SLCO4A1: variants seen among roughly 807,000 people sequenced by gnomAD.
SLCO4A1 encodes the protein colon organic anion transporter.
A neutral mutation model predicts 64.6 loss-of-function variants in SLCO4A1; 51 were observed. The ratio of observed to expected loss-of-function variants is 0.79; its 90% CI spans 0.63 to 1.00. SLCO4A1 has a LOEUF of 1.00. Ranked by LOEUF, SLCO4A1 falls within the 50% of genes least tolerant of loss-of-function variation. The probability of loss-of-function intolerance (pLI) is 0.00; values close to 1 mark genes in which losing one functional copy is unlikely to be tolerated. For missense variants in SLCO4A1, 919 were observed against 980.5 expected, an observed-to-expected ratio of 0.94 and a Z score of 0.84; for synonymous variants, 471 against 444.9, an observed-to-expected ratio of 1.06 and a Z score of -0.74.
downstream of SLCO4A1, among the ~76,000 whole-genome samples, chr20:62,675,289 G>A (rs1272409546): frequency 1.3e-5 from 2 of 152,152 alleles, no homozygotes; most frequent in African/African-American, 4.8e-5. Context: ...GGTGCGTGAT[G>A]GATGAGGCCA....
At chr20:62,664,274 T>C (rs1357269841) in intron 5 of SLCO4A1, among the ~76,000 whole-genome samples, 1 of 152,158 alleles carries the variant, frequency 6.6e-6, no homozygotes. Flanking sequence ...CCAGGGCCAC[T>C]GGCCCCCAAG....
chr20:62,660,249 G>A (rs1039140782), intron 3 of SLCO4A1, among the ~76,000 whole-genome samples, 163 bp from the exon 4 acceptor site: 1 of 152,228 alleles, frequency 6.6e-6, no homozygotes, highest in South Asian at 2.1e-4. Context: ...CTGCAAGGAA[G>A]GGACAGGACC....
chr20:62,658,905 C>T, intron 3 of SLCO4A1, 138 bp downstream of exon 3: 1 of 722,452 alleles, frequency 1.4e-6, no homozygotes, highest in Non-Finnish European at 2.3e-6. Flanking sequence ...TGGAGGGAGT[C>T]AAGGCTGGCC....
At chr20:62,683,912 G>T (rs1042758319) in intron 2 of SLCO4A1, among the ~76,000 whole-genome samples, 4 of 140,430 alleles carry the variant, frequency 2.8e-5, no homozygotes, top group Admixed American at 1.4e-4. Context: ...ACACGCTCAC[G>T]CAACGATCTC....
chr20:62,644,435 T>A lies in SLCO4A1; in HGVS notation c.-97+1882T>A, dbSNP rs565115124. ...GCAGGTGCTGGGCAAGTCCCTCCCA[T>A]GGTGGAGAGCTGGCTGGGCACGTGG... is the stretch of plus-strand genomic sequence containing the variant. On this transcript the variant is annotated intron_variant, in intron 1 of 11. Coordinates refer to ENST00000217159, the MANE Select transcript of SLCO4A1 (RefSeq NM_016354.4). This position sits in a 1 kb window ranked among gnomAD's most constrained non-coding sequence, Gnocchi z 5.4. Among the ~76,000 whole-genome samples, 25 of 152,316 alleles carry A rather than the reference T, an allele frequency of 1.6e-4. No homozygotes were observed. The highest frequency in any genetic ancestry group is 6.8e-3 in the Middle Eastern group (2 of 294).
chr20:62,675,816 T>C (rs1034809955), downstream of SLCO4A1, among the ~76,000 whole-genome samples: 4 of 152,160 alleles, frequency 2.6e-5, no homozygotes, highest in Non-Finnish European at 4.4e-5. Flanking sequence ...AGCCAGCCCC[T>C]GTCCTCCCAC....
rs200844019 is a variant in SLCO4A1 at position 62,668,183 on chromosome 20, C to T, written c.1810C>T (p.Arg604Ter). 3.1e-6 allele frequency: 5 copies of T among 1,613,744 alleles called. No individual in the cohort carries two copies. The highest frequency in any genetic ancestry group is 4.5e-5 in the East Asian group (2 of 44,888). ...CATTCCTGCACTAACGGCAACTCTA[C>T]GGTAAGCTGGGGTCGGGTGTGCGCT... The part of the protein sequence containing the change: ...SSIPALTATL[R>*]CVRDPQRSFA... The change falls in exon 9 of 12, where the codon CGA becomes TGA. Residue 604 changes from arginine (R) to a stop codon, truncating the protein, a stop_gained and splice_region_variant. Transcript: ENST00000217159. LOFTEE classifies it high-confidence loss of function.
At chr20:62,662,957 C>T (rs1455633265) in intron 5 of SLCO4A1, 1 of 152,242 alleles carries the variant, frequency 6.6e-6, no homozygotes, top group African/African-American at 2.4e-5. Flanking sequence ...CATCGTCTTG[C>T]CTTTTTCAAG....
At chr20:62,663,371 C>T (rs538885953) in intron 5 of SLCO4A1, 18 of 152,268 alleles carry the variant, frequency 1.2e-4, no homozygotes, top group African/African-American at 4.1e-4. Flanking sequence ...AGGAAAGAGC[C>T]GCCCTCCTGC....
At chr20:62,666,145 T>TCCCCTTCCCCTTCCCCTG (rs1986283633) in intron 6 of SLCO4A1, 2 of 97,002 alleles carry the variant, frequency 2.1e-5, no homozygotes, top group South Asian at 3.8e-4. Flanking sequence ...CCCTTCCCCT[T>TCCCCTTCCCCTTCCCCTG]CCCCTTCCCC....
Position 62,657,336 on chromosome 20 carries a change from C to T in SLCO4A1, c.796+86C>T, listed in dbSNP as rs1024541896. ...GAGGGTAACTGGCCGGAGCCAGCCC[C>T]GCCCCCTGCCTTCGTGTACCCCTTG... On this transcript the variant is annotated intron_variant, in intron 2 of 11. Coordinates refer to ENST00000217159, the MANE Select transcript of SLCO4A1 (RefSeq NM_016354.4). The T allele has an allele frequency of 2.8e-5, 35 of 1,253,326 alleles. No individual in the cohort carries two copies. The African/African-American group carries it at 2.9e-4, about 10-fold the overall frequency. 77.6% of individuals were successfully genotyped at this position (1,253,326 alleles called of 1,614,324 possible).
chr20:62,682,009 C>T (rs1050468201), intron 2 of SLCO4A1, among the ~76,000 whole-genome samples: 1 of 152,166 alleles, frequency 6.6e-6, no homozygotes, highest in Non-Finnish European at 1.5e-5. Flanking sequence ...AGAGCCATCC[C>T]CTGAGCTAGG....
rs1985876717 is a variant in SLCO4A1, at chr20:62,665,188, G to T, written c.1276+100G>T. 2.2e-6 allele frequency: 3 copies of T among 1,334,164 alleles called. No individual in the cohort carries two copies. In the Admixed American group the frequency reaches 6.8e-5, roughly 30 times the overall value. The allele number at this position is 1,334,164 out of a possible 1,614,324, so 82.6% of individuals were successfully genotyped here. A position where few individuals can be genotyped will look rare whatever the true frequency, so the allele number is the denominator to read the frequency against. ...TAGAAAGACCCAGACAGGGCACATG[G>T]CAGTGAGTGCCCTCCCACCCCCGCT... On this transcript the variant is annotated intron_variant, in intron 6 of 11. Transcript: ENST00000217159.
In SLCO4A1 at chr20:62,658,648, C is replaced by T. The variant is rs369349485; in HGVS notation, c.797-29C>T. 189 of 1,575,502 alleles carry T rather than the reference C, an allele frequency of 1.2e-4. 1 individual carries two copies. The African/African-American group carries it at 1.8e-3, about 15-fold the overall frequency. The stretch of plus-strand genomic sequence containing the variant: ...TCCGCAGCCCCTGGGTGGTGCACAG[C>T]GGCCCTGACGCCTCTGCCTCTCTCG... On this transcript the variant is annotated intron_variant, in intron 2 of 11. Transcript: ENST00000217159.
intron 1 of SLCO4A1, among the ~76,000 whole-genome samples, chr20:62,655,808 G>C (rs1397816604): frequency 2.0e-5 from 3 of 152,214 alleles, no homozygotes; most frequent in Non-Finnish European, 4.4e-5. Context: ...ACGGAGAGGA[G>C]CTCCTTCCTC....
Position 62,656,849 on chromosome 20 carries a change from A to T in SLCO4A1, c.395A>T (p.Glu132Val), listed in dbSNP as rs1341703277. 3 of 1,607,478 alleles carry T rather than the reference A, an allele frequency of 1.9e-6. No individual in the cohort carries two copies. The highest frequency in any genetic ancestry group is 2.6e-6 in the Non-Finnish European group (3 of 1,176,208). Residue 132 changes from glutamate (E) to valine (V), a missense_variant, in exon 2 of 12, where the codon GAG (glutamate) becomes GTG (valine). Glu to Val is a moderately radical substitution (Grantham distance 121). Transcript: ENST00000217159. ...GFINTVITSL[E>V]RRYDLHSYQS... Reference sequence around the variant, plus strand: ...ATCAACACAGTCATCACCTCCCTGGAGCGCCGCTATGACCTGCACAGCTAC... The same window carrying T: ...ATCAACACAGTCATCACCTCCCTGGTGCGCCGCTATGACCTGCACAGCTAC...
Position 62,668,189 on chromosome 20 carries a change from G to A in SLCO4A1, c.1811+5G>A, listed in dbSNP as rs762742721. On this transcript the variant is annotated splice_donor_5th_base_variant and intron_variant, in intron 9 of 11. Transcript: ENST00000217159. ...TGCACTAACGGCAACTCTACGGTAA[G>A]CTGGGGTCGGGTGTGCGCTTGTCCA... The A allele has an allele frequency of 6.2e-7, 1 of 1,613,688 alleles. No individual in the cohort carries two copies. The highest frequency in any genetic ancestry group is 8.5e-7 in the Non-Finnish European group (1 of 1,179,824).
At chr20:62,667,960 A>G (rs1347383716) in intron 8 of SLCO4A1, 50 bp downstream of exon 8, 1 of 1,613,844 alleles carries the variant, frequency 6.2e-7, no homozygotes. Context: ...GACCCTGGGA[A>G]GGGGCCCCCG....
At chr20:62,650,497 A>C (rs2147063910) in intron 1 of SLCO4A1, 1 of 152,414 alleles carries the variant, frequency 6.6e-6, no homozygotes, top group African/African-American at 2.4e-5. Context: ...GCCCGCCTTA[A>C]CGCGGACCAG....
Sources: gnomAD v4.1 joint callset for allele counts (sites outside exome capture counted in the v4.1 genomes callset) on GRCh38, gnomAD v4.1.1 for gene constraint, Gnocchi (gnomAD v3.1) non-coding constraint, MANE v1.5 for transcripts, NCBI Gene and HGNC (gene_info 2026-07-23, HGNC 2026-07-21) for gene names.